Variants in FNDC3B observed in about 807,000 individuals in gnomAD.
FNDC3B encodes fibronectin type III domain-containing protein 3B.
FNDC3B carries 12 observed loss-of-function variants against 151.5 expected under a neutral mutation model. The ratio of observed to expected loss-of-function variants is 0.08; its 90% CI spans 0.05 to 0.13. The LOEUF (loss-of-function observed/expected upper bound fraction) is 0.13. Ranked by LOEUF, FNDC3B falls within the 10% of genes least tolerant of loss-of-function variation. The probability of loss-of-function intolerance (pLI) is 1.00; values close to 1 mark genes in which losing one functional copy is unlikely to be tolerated. For missense variants in FNDC3B, 1,214 were observed against 1,505.3 expected, an observed-to-expected ratio of 0.81 and a Z score of 3.20; for synonymous variants, 528 against 549.0, an observed-to-expected ratio of 0.96 and a Z score of 0.54.
intron 25 of FNDC3B, among the ~76,000 whole-genome samples, chr3:172,392,125 C>G (rs1014032626): frequency 2.0e-5 from 3 of 152,170 alleles, no homozygotes; most frequent in African/African-American, 4.8e-5. Context: ...TAACAATGGG[C>G]TCATCTTAAA....
At chr3:172,225,088 C>G (rs567618532) in intron 3 of FNDC3B, among the ~76,000 whole-genome samples, 20 of 152,304 alleles carry the variant, frequency 1.3e-4, no homozygotes, top group Admixed American at 1.2e-3. Flanking sequence ...TGTTGTTTGC[C>G]TTAGACATGT....
At chr3:172,276,558 A>G (rs996721111) in intron 6 of FNDC3B, among the ~76,000 whole-genome samples, 1 of 152,234 alleles carries the variant, frequency 6.6e-6, no homozygotes, top group African/African-American at 2.4e-5. Flanking sequence ...AGTATTTACT[A>G]TAACTGTCAG....
chr3:172,097,863 G>A (rs945720711), intron 1 of FNDC3B, among the ~76,000 whole-genome samples: 1 of 152,126 alleles, frequency 6.6e-6, no homozygotes, highest in African/African-American at 2.4e-5. Flanking sequence ...GCCTTAAGTA[G>A]ACTTCCAGTA....
At position 172,378,531 on chromosome 3, in the gene FNDC3B, G is replaced by A. The variant is rs186309245; in HGVS notation, c.3175+95G>A. Reference sequence around the variant, plus strand: ...GCTCTTTTCTGATGTTAAATATAATGTCAGCAAGATAGAATCAAAAGAACA... The same window carrying A: ...GCTCTTTTCTGATGTTAAATATAATATCAGCAAGATAGAATCAAAAGAACA... On this transcript the variant is annotated intron_variant, in intron 24 of 25. Transcript: ENST00000415807. The A allele has an allele frequency of 5.4e-6, 6 of 1,115,188 alleles. No homozygotes were observed. In the East Asian group the frequency reaches 7.7e-5, roughly 14 times the overall value. 69.1% of individuals were successfully genotyped at this position (1,115,188 alleles called of 1,614,324 possible).
intron 2 of FNDC3B, among the ~76,000 whole-genome samples, chr3:172,130,376 C>T (rs896571093): frequency 2.0e-5 from 3 of 152,180 alleles, no homozygotes; most frequent in African/African-American, 7.2e-5. Flanking sequence ...AGATTATAAT[C>T]TGGTTGCTAT....
At chr3:172,286,109 A>G (rs1730003006) in intron 7 of FNDC3B, 125 bp downstream of exon 7, 1 of 676,712 alleles carries the variant, frequency 1.5e-6, no homozygotes, top group African/African-American at 1.8e-5. Flanking sequence ...TTACTCATCA[A>G]CTATGAAATA....
rs1183455343 is a variant in FNDC3B, at chr3:172,347,250, G to A, written c.2403G>A (p.Arg801=). 17 of 1,614,080 alleles carry A rather than the reference G, an allele frequency of 1.1e-5. No homozygotes were observed. Among genetic ancestry groups the A allele is most frequent in the Non-Finnish European group, 1.4e-5 (16 of 1,179,992 alleles). ...CTGGTGCTGACATCTCAGAGTACAG[G>A]TTGGAATGGGGAGAAGATGAAGAAT... is the stretch of plus-strand genomic sequence containing the variant. ...DSSGADISEY[R]LEWGEDEESL... Residue 801 remains arginine (R), a synonymous_variant, in exon 21 of 26, where the codon AGG becomes AGA. Coordinates refer to ENST00000415807, the MANE Select transcript of FNDC3B (RefSeq NM_022763.4).
chr3:172,281,209 T>TTA (rs1260157622), intron 6 of FNDC3B, among the ~76,000 whole-genome samples: 1 of 117,472 alleles, frequency 8.5e-6, no homozygotes, highest in African/African-American at 3.4e-5. Context: ...CTTATTATTA[T>TTA]TATTTATATT....
chr3:172,337,677 T>G (rs1005670953), intron 16 of FNDC3B: 2 of 390,968 alleles, frequency 5.1e-6, no homozygotes, highest in Admixed American at 8.6e-5. Flanking sequence ...TTTTGTTTCT[T>G]TGGTTTGGTT....
intron 7 of FNDC3B, among the ~76,000 whole-genome samples, chr3:172,289,427 A>G (rs969111050): frequency 6.3e-5 from 8 of 127,804 alleles, no homozygotes; most frequent in Non-Finnish European, 9.7e-5. Flanking sequence ...TAAGGTATTC[A>G]TAGGTTCCAA....
At chr3:172,329,264 T>C (rs1170063407) in intron 12 of FNDC3B, 188 bp downstream of exon 12, 1 of 609,550 alleles carries the variant, frequency 1.6e-6, no homozygotes, top group Non-Finnish European at 2.8e-6. Flanking sequence ...CTATGGCCTC[T>C]GCAGTCTTGC....
chr3:172,212,432 C>A (rs1004306257), intron 3 of FNDC3B, among the ~76,000 whole-genome samples: 2 of 152,148 alleles, frequency 1.3e-5, no homozygotes, highest in Non-Finnish European at 2.9e-5. Context: ...CGTAGCACAT[C>A]TGCATCAAAA....
intron 9 of FNDC3B, among the ~76,000 whole-genome samples, chr3:172,305,967 T>C (rs1576893589): frequency 6.6e-6 from 1 of 152,216 alleles, no homozygotes; most frequent in Non-Finnish European, 1.5e-5. Context: ...ATCCCAATGA[T>C]AAGCATTATT....
chr3:172,097,657 A>G (rs942199236), intron 1 of FNDC3B, among the ~76,000 whole-genome samples: 22 of 152,178 alleles, frequency 1.4e-4, no homozygotes, highest in African/African-American at 5.3e-4. Context: ...TTTTGGTTCT[A>G]TTTCATTTCA....
intron 3 of FNDC3B, among the ~76,000 whole-genome samples, chr3:172,199,345 AATTTTTTGT>A (rs1399130335): frequency 1.4e-3 from 217 of 151,198 alleles, no homozygotes; most frequent in Middle Eastern, 6.9e-3. Flanking sequence ...TCGCCTGGCT[AATTTTTTGT>A]ATTTTTAGTA....
At chr3:172,377,949 TA>T (rs1377897619) in intron 23 of FNDC3B, among the ~76,000 whole-genome samples, 1 of 152,342 alleles carries the variant, frequency 6.6e-6, no homozygotes, top group East Asian at 1.9e-4. Flanking sequence ...TTATAGATAT[TA>T]GCATTATGAA....
chr3:172,285,564 A>T (rs1729967068), intron 6 of FNDC3B, among the ~76,000 whole-genome samples: 1 of 152,206 alleles, frequency 6.6e-6, no homozygotes, highest in Non-Finnish European at 1.5e-5. Context: ...TTGTCTCTTC[A>T]ACCACATCTT....
intron 3 of FNDC3B, among the ~76,000 whole-genome samples, chr3:172,215,711 A>G (rs967113930): frequency 6.6e-6 from 1 of 152,218 alleles, no homozygotes; most frequent in African/African-American, 2.4e-5. Flanking sequence ...ACTCGGGGCC[A>G]GTGCAGCAAA....
At chr3:172,098,925 T>C (rs1375440911) in intron 1 of FNDC3B, among the ~76,000 whole-genome samples, 1 of 152,144 alleles carries the variant, frequency 6.6e-6, no homozygotes, top group African/African-American at 2.4e-5. Context: ...AGTCCTCGGT[T>C]GAATGGGAGG....
Sources: gnomAD v4.1 joint callset for allele counts (sites outside exome capture counted in the v4.1 genomes callset) on GRCh38, gnomAD v4.1.1 for gene constraint, MANE v1.5 for transcripts, NCBI Gene and HGNC (gene_info 2026-07-23, HGNC 2026-07-21) for gene names.